NNMT: variants seen among roughly 807,000 people sequenced by gnomAD.
NNMT encodes nicotinamide N-methyltransferase.
Under a neutral mutation model 11.7 loss-of-function variants are expected in NNMT, and 10 were observed. That is an observed-to-expected ratio of 0.85 (90% CI 0.53 to 1.45). The LOEUF (loss-of-function observed/expected upper bound fraction) is 1.45, where lower values mean the gene tolerates loss of function less well. NNMT is among the 40% of genes most tolerant of loss of function. NNMT has a pLI of 0.00. For missense variants in NNMT, 381 were observed against 319.4 expected, an observed-to-expected ratio of 1.19 and a Z score of -1.47; for synonymous variants, 143 against 133.8, an observed-to-expected ratio of 1.07 and a Z score of -0.48.
Position 114,296,526 on chromosome 11 carries a change from C to T in NNMT, c.-31C>T, listed in dbSNP as rs759145962. On this transcript the variant is annotated 5_prime_UTR_variant, in exon 1 of 3. Transcript: ENST00000299964. ...GCTTCTGGAGGAAAGAGAAGGAGGG[C>T]AGTGCTCCAGTGGTACAGAAGTGAG... 1 of 1,606,420 alleles carries T rather than the reference C, an allele frequency of 6.2e-7. No homozygotes were observed. The highest frequency in any genetic ancestry group is 1.1e-5 in the South Asian group (1 of 90,420).
chr11:114,258,479 G>T (rs761335096), intron 1 of NNMT, among the ~76,000 whole-genome samples: 2 of 152,214 alleles, frequency 1.3e-5, no homozygotes, highest in Non-Finnish European at 2.9e-5. Flanking sequence ...CACTCAGCAC[G>T]GCCAGGCCTT....
At chr11:114,275,059 A>C (rs1945204783) in intron 2 of NNMT, among the ~76,000 whole-genome samples, 3 of 152,236 alleles carry the variant, frequency 2.0e-5, no homozygotes, top group Non-Finnish European at 4.4e-5. Flanking sequence ...CTTCACTCCC[A>C]AAATACCCCA....
At chr11:114,291,395 A>G (rs1945333895) in intron 2 of NNMT, among the ~76,000 whole-genome samples, 1 of 152,166 alleles carries the variant, frequency 6.6e-6, no homozygotes, top group African/African-American at 2.4e-5. Flanking sequence ...TTGCACACAC[A>G]ACTTTCCTTT....
At chr11:114,302,588 G>T (rs1291916506) in intron 2 of NNMT, among the ~76,000 whole-genome samples, 3 of 151,654 alleles carry the variant, frequency 2.0e-5, no homozygotes, top group Non-Finnish European at 2.9e-5. Context: ...TTTTAATTTT[G>T]ATTTTTAAAA....
chr11:114,287,857 C>G (rs992458759), intron 2 of NNMT, among the ~76,000 whole-genome samples: 5 of 152,114 alleles, frequency 3.3e-5, no homozygotes, highest in African/African-American at 1.2e-4. Context: ...GTGGAGTCCC[C>G]CCATCCATGA....
chr11:114,289,657 G>C (rs1199767302), intron 2 of NNMT, among the ~76,000 whole-genome samples: 1 of 152,112 alleles, frequency 6.6e-6, no homozygotes, highest in Non-Finnish European at 1.5e-5. Context: ...GGGTGTTTTA[G>C]TTATCTTTTA....
intron 2 of NNMT, chr11:114,263,064 C>T (rs936580511): frequency 2.6e-5 from 4 of 152,184 alleles, no homozygotes; most frequent in Non-Finnish European, 4.4e-5. Flanking sequence ...AGAAATCTGT[C>T]GATTACCATT....
At chr11:114,275,911 T>C (rs1945209851) in intron 2 of NNMT, among the ~76,000 whole-genome samples, 1 of 152,028 alleles carries the variant, frequency 6.6e-6, no homozygotes, top group Non-Finnish European at 1.5e-5. Flanking sequence ...GATCTATATG[T>C]CCCATGAGGT....
intron 2 of NNMT, among the ~76,000 whole-genome samples, chr11:114,280,051 G>A (rs556232669): frequency 2.2e-4 from 33 of 152,248 alleles, no homozygotes; most frequent in African/African-American, 5.5e-4. Flanking sequence ...GGGAAACCTC[G>A]ATCAGGAAAC....
chr11:114,288,623 T>C (rs1311655462), intron 2 of NNMT, among the ~76,000 whole-genome samples: 1 of 152,184 alleles, frequency 6.6e-6, no homozygotes, highest in Admixed American at 6.5e-5. Flanking sequence ...TGCCTGGGTC[T>C]AAAACTTGGC....
chr11:114,283,302 G>A (rs1037846110), intron 2 of NNMT, among the ~76,000 whole-genome samples: 2 of 152,166 alleles, frequency 1.3e-5, no homozygotes, highest in African/African-American at 2.4e-5. Context: ...TAAATGAGGG[G>A]TGCAAATCAT....
At chr11:114,285,215 A>G (rs1054421148) in intron 2 of NNMT, among the ~76,000 whole-genome samples, 3 of 152,178 alleles carry the variant, frequency 2.0e-5, no homozygotes, top group Non-Finnish European at 2.9e-5. Context: ...GAGACGCTGG[A>G]GTATTGATAA....
chr11:114,271,388 A>G (rs1945168934), intron 2 of NNMT, among the ~76,000 whole-genome samples: 1 of 152,002 alleles, frequency 6.6e-6, no homozygotes, highest in African/African-American at 2.4e-5. Flanking sequence ...ACCCACCCCA[A>G]CCCCAGTGAT....
At position 114,289,333 on chromosome 11, in the gene NNMT, G is replaced by A. The variant is rs542347461; in HGVS notation, c.-129-7095G>A. On this transcript the variant is annotated intron_variant, in intron 2 of 4. Coordinates refer to the NNMT transcript ENST00000535401. The stretch of plus-strand genomic sequence containing the variant: ...TGTTAATTGTATTTATCTTTTCAGA[G>A]AACCAACTTTTGGACCTGTTGATTC... 1.6e-4 allele frequency among the ~76,000 whole-genome samples: 24 copies of A among 152,242 alleles called. No homozygotes were observed. In the South Asian group the frequency reaches 4.1e-3, roughly 26 times the overall value.
chr11:114,295,465 C>T (rs1945366981), upstream of NNMT, among the ~76,000 whole-genome samples: 1 of 136,088 alleles, frequency 7.3e-6, no homozygotes, highest in Non-Finnish European at 1.5e-5. Flanking sequence ...TGCTCTGTCG[C>T]CCAGGCTGGA....
intron 1 of NNMT, among the ~76,000 whole-genome samples, chr11:114,258,460 G>A (rs1360274055): frequency 3.3e-5 from 5 of 152,350 alleles, no homozygotes; most frequent in African/African-American, 4.8e-5. Flanking sequence ...GGCCAAGGCC[G>A]CCTCCCTCCA....
chr11:114,297,878 A>T (rs1945397414), intron 1 of NNMT, 73 bp from the exon 2 acceptor site: 2 of 1,242,772 alleles, frequency 1.6e-6, no homozygotes, highest in African/African-American at 3.0e-5. Context: ...CCCAGGGAAG[A>T]CAATGTAAAT....
chr11:114,280,222 A>G (rs1363678272), intron 2 of NNMT, among the ~76,000 whole-genome samples: 1 of 152,188 alleles, frequency 6.6e-6, no homozygotes, highest in East Asian at 1.9e-4. Flanking sequence ...GATTTTCAGA[A>G]TGGGAGAAGC....
intron 2 of NNMT, among the ~76,000 whole-genome samples, chr11:114,269,826 A>G (rs1382643647): frequency 6.6e-6 from 1 of 152,110 alleles, no homozygotes. Flanking sequence ...TTGTCATTGC[A>G]TGTTATTTAA....
Sources: gnomAD v4.1 joint callset for allele counts (sites outside exome capture counted in the v4.1 genomes callset) on GRCh38, gnomAD v4.1.1 for gene constraint, MANE v1.5 for transcripts, NCBI Gene and HGNC (gene_info 2026-07-23, HGNC 2026-07-21) for gene names.